The following EPHB1 variants were observed in gnomAD, a reference collection of about 807,000 sequenced individuals.
The protein encoded by EPHB1 is ephrin type-B receptor 1.
A neutral mutation model predicts 94.4 loss-of-function variants in EPHB1; 30 were observed. The ratio of observed to expected loss-of-function variants is 0.32; its 90% CI spans 0.24 to 0.43. The LOEUF (loss-of-function observed/expected upper bound fraction) is 0.43. Ranked by LOEUF, EPHB1 falls within the 20% of genes least tolerant of loss-of-function variation. The pLI, the probability that EPHB1 is intolerant of heterozygous loss-of-function variation, is 1.00. For missense variants in EPHB1, 1,055 were observed against 1,308.3 expected (o/e 0.81, Z 2.99); for synonymous variants, 522 against 489.1 (o/e 1.07, Z -0.89).
chr3:134,907,657 G>T (rs548353354), intron 1 of EPHB1, among the ~76,000 whole-genome samples: 1 of 115,438 alleles, frequency 8.7e-6, no homozygotes, highest in African/African-American at 3.3e-5. Context: ...CCCCCTGCCC[G>T]CCCCCTCCCC....
intron 10 of EPHB1, among the ~76,000 whole-genome samples, chr3:135,185,946 GT>G (rs1432406344): frequency 1.3e-5 from 2 of 152,164 alleles, no homozygotes; most frequent in African/African-American, 4.8e-5. Flanking sequence ...AGAGAGCATG[GT>G]CCTCATAGAA....
chr3:135,089,275 A>ACAAGCTACT (rs1437283957), intron 3 of EPHB1, among the ~76,000 whole-genome samples: 3 of 152,350 alleles, frequency 2.0e-5, no homozygotes, highest in African/African-American at 7.2e-5. Flanking sequence ...GGGACTTTGA[A>ACAAGCTACT]CAAGCTACTG....
intron 1 of EPHB1, among the ~76,000 whole-genome samples, chr3:134,817,262 C>A (rs566235315): frequency 8.5e-5 from 13 of 152,304 alleles, no homozygotes; most frequent in Admixed American, 5.9e-4. Context: ...GGGCACTGGA[C>A]AGTGTACTCA....
chr3:135,139,507 T>C (rs1576419736), intron 5 of EPHB1, among the ~76,000 whole-genome samples: 1 of 152,204 alleles, frequency 6.6e-6, no homozygotes. Context: ...TTTCAAGGCC[T>C]TTCTGCATGC....
rs183891661 is a variant in EPHB1, at chr3:135,256,441, T to C, written c.2847-2571T>C. Among the ~76,000 whole-genome samples the C allele has an allele frequency of 6.2e-3, 951 of 152,304 alleles. 15 individuals are homozygous for C. The highest frequency in any genetic ancestry group is 0.022 in the African/African-American group (901 of 41,556). On this transcript the variant is annotated intron_variant, in intron 15 of 15. Coordinates refer to ENST00000398015, the MANE Select transcript of EPHB1 (RefSeq NM_004441.5). ...GGTGACAAAATCTCTCAGCATTTGCTTGTCTGTAAAGTATTTTATTTCTCC... is the reference window on the plus strand; with the variant it reads ...GGTGACAAAATCTCTCAGCATTTGCCTGTCTGTAAAGTATTTTATTTCTCC...
At chr3:134,968,425 G>A (rs781779607) in intron 3 of EPHB1, among the ~76,000 whole-genome samples, 2 of 152,114 alleles carry the variant, frequency 1.3e-5, no homozygotes, top group African/African-American at 2.4e-5. Flanking sequence ...TGGTTCATAC[G>A]TATATAAAAT....
chr3:135,168,626 C>T (rs1195189920), intron 9 of EPHB1, among the ~76,000 whole-genome samples: 1 of 152,188 alleles, frequency 6.6e-6, no homozygotes, highest in Non-Finnish European at 1.5e-5. Context: ...CACCAGGGTG[C>T]CTCCGTATTT....
chr3:134,930,685 C>T (rs1176780735), intron 2 of EPHB1, among the ~76,000 whole-genome samples: 2 of 152,252 alleles, frequency 1.3e-5, no homozygotes, highest in Non-Finnish European at 2.9e-5. Context: ...ACCTCCAGGT[C>T]TGCTCCAGTT....
chr3:134,853,312 G>A (rs2037031892), intron 1 of EPHB1, among the ~76,000 whole-genome samples: 2 of 152,228 alleles, frequency 1.3e-5, no homozygotes, highest in Non-Finnish European at 2.9e-5. Context: ...AGCCAGAGGA[G>A]GCTGTGGGTG....
intron 1 of EPHB1, among the ~76,000 whole-genome samples, chr3:134,815,891 A>G (rs1160025479): frequency 6.6e-6 from 1 of 152,168 alleles, no homozygotes; most frequent in Non-Finnish European, 1.5e-5. Context: ...CCCTGCCCCT[A>G]GTTTCAACAG....
intron 4 of EPHB1, among the ~76,000 whole-genome samples, chr3:135,108,108 G>A (rs942505561): frequency 4.6e-5 from 7 of 152,158 alleles, no homozygotes; most frequent in African/African-American, 1.7e-4. Flanking sequence ...TCCTGAAAAC[G>A]CTCCTTTCCA....
At chr3:134,950,804 T>A (rs1578223279) in intron 2 of EPHB1, among the ~76,000 whole-genome samples, 1 of 152,112 alleles carries the variant, frequency 6.6e-6, no homozygotes, top group African/African-American at 2.4e-5. Context: ...CCAAACCATA[T>A]CAGTCTTTCA....
At chr3:135,041,289 C>T (rs1368651035) in intron 3 of EPHB1, among the ~76,000 whole-genome samples, 7 of 152,176 alleles carry the variant, frequency 4.6e-5, no homozygotes, top group Admixed American at 1.3e-4. Context: ...ATGTGGTACT[C>T]CCTGGAGTTC....
chr3:134,827,951 C>G (rs561232536), intron 1 of EPHB1, among the ~76,000 whole-genome samples: 1 of 152,318 alleles, frequency 6.6e-6, no homozygotes, highest in Admixed American at 6.5e-5. Context: ...TCTCTCCTCA[C>G]CAGCATCTCT....
At chr3:135,144,576 G>A (rs1482410922) in intron 5 of EPHB1, among the ~76,000 whole-genome samples, 4 of 152,126 alleles carry the variant, frequency 2.6e-5, no homozygotes, top group African/African-American at 9.7e-5. Flanking sequence ...ACACATCAAA[G>A]GTAACATCAG....
intron 1 of EPHB1, among the ~76,000 whole-genome samples, chr3:134,805,563 C>A (rs546080033): frequency 4.3e-4 from 65 of 152,250 alleles, no homozygotes; most frequent in African/African-American, 1.4e-3. Context: ...AGCAGCACTT[C>A]CTTTCCCAGC....
At chr3:134,999,315 A>C (rs1166385117) in intron 3 of EPHB1, among the ~76,000 whole-genome samples, 1 of 152,210 alleles carries the variant, frequency 6.6e-6, no homozygotes, top group Non-Finnish European at 1.5e-5. Flanking sequence ...TTCATATCTT[A>C]AGGGAAGGTG....
intron 13 of EPHB1, among the ~76,000 whole-genome samples, chr3:135,243,127 T>C: frequency 6.6e-6 from 1 of 151,514 alleles, no homozygotes; most frequent in East Asian, 1.9e-4. Context: ...CAGACCCATC[T>C]TATCCTGCCC....
At chr3:135,213,250 C>T (rs1267749484) in intron 12 of EPHB1, among the ~76,000 whole-genome samples, 3 of 152,188 alleles carry the variant, frequency 2.0e-5, no homozygotes, top group African/African-American at 7.2e-5. Context: ...CGAATTTTCT[C>T]CTTTGCGCTT....
Sources: allele counts gnomAD v4.1 joint callset (sites outside exome capture counted in the v4.1 genomes callset), GRCh38; gene constraint gnomAD v4.1.1; transcripts MANE v1.5; gene names NCBI Gene and HGNC (gene_info 2026-07-23, HGNC 2026-07-21).